PDE11A: variants seen among roughly 807,000 people sequenced by gnomAD.
PDE11A encodes the protein dual 3',5'-cyclic-AMP and -GMP phosphodiesterase 11A.
PDE11A carries 100 observed loss-of-function variants against 100.5 expected under a neutral mutation model. The ratio of observed to expected loss-of-function variants is 1.00; its 90% confidence interval spans 0.85 to 1.18. The LOEUF is 1.18. PDE11A is among the 50% of genes most tolerant of loss of function. The pLI is 0.00. For synonymous variants in PDE11A, 381 were observed against 420.8 expected, an observed-to-expected ratio of 0.91 and a Z score of 1.16; for missense variants, 1,141 against 1,152.6, an observed-to-expected ratio of 0.99 and a Z score of 0.15.
chr2:177,888,192 A>C (rs2084472405), intron 4 of PDE11A, among the ~76,000 whole-genome samples: 1 of 152,232 alleles, frequency 6.6e-6, no homozygotes, highest in South Asian at 2.1e-4. Flanking sequence ...AAGAATAAGC[A>C]AGCCAGTTTT....
intron 2 of PDE11A, among the ~76,000 whole-genome samples, chr2:177,968,658 A>G (rs1029592440): frequency 6.6e-6 from 1 of 152,184 alleles, no homozygotes; most frequent in Non-Finnish European, 1.5e-5. Flanking sequence ...AAAACTCTCA[A>G]CAAACATATG....
chr2:177,790,963 G>A (rs1296643109), intron 9 of PDE11A, among the ~76,000 whole-genome samples: 2 of 152,222 alleles, frequency 1.3e-5, no homozygotes, highest in African/African-American at 4.8e-5. Flanking sequence ...TTCAACCATT[G>A]TGGAAGTCAG....
At chr2:177,716,640 G>T (rs780414644) in intron 12 of PDE11A, among the ~76,000 whole-genome samples, 2 of 152,010 alleles carry the variant, frequency 1.3e-5, no homozygotes, top group Non-Finnish European at 2.9e-5. Context: ...GGTAAAACTT[G>T]AAAAGTCTAT....
intron 1 of PDE11A, chr2:178,108,149 A>G (rs1025985282): frequency 1.1e-4 from 17 of 152,214 alleles, no homozygotes; most frequent in Admixed American, 3.9e-4. Context: ...TACCATTGCT[A>G]TGTCTTATTT....
intron 5 of PDE11A, among the ~76,000 whole-genome samples, chr2:177,850,696 A>T (rs1446777787): frequency 1.3e-5 from 2 of 152,218 alleles, no homozygotes; most frequent in Non-Finnish European, 1.5e-5. Context: ...CAAGAAAAAA[A>T]CAAACAACCC....
At chr2:178,034,510 A>G (rs1358160750) in intron 1 of PDE11A, among the ~76,000 whole-genome samples, 1 of 152,112 alleles carries the variant, frequency 6.6e-6, no homozygotes, top group Non-Finnish European at 1.5e-5. Context: ...GAACTCGGCT[A>G]TGGACCAAGT....
chr2:177,713,197 T>C (rs540758897), intron 12 of PDE11A, among the ~76,000 whole-genome samples: 6 of 151,986 alleles, frequency 3.9e-5, no homozygotes, highest in Non-Finnish European at 5.9e-5. Flanking sequence ...TTAGTAGAGA[T>C]GGGGTTTCAC....
At chr2:177,997,816 G>C (rs2086095889) in intron 2 of PDE11A, 2 of 1,302,368 alleles carry the variant, frequency 1.5e-6, no homozygotes, top group Non-Finnish European at 2.2e-6. Flanking sequence ...TGGAGGGAGG[G>C]GCATGTATTC....
chr2:177,906,413 AG>A (rs1303202369), intron 2 of PDE11A, among the ~76,000 whole-genome samples: 1 of 152,196 alleles, frequency 6.6e-6, no homozygotes, highest in African/African-American at 2.4e-5. Context: ...GGTACACAAA[AG>A]ATGAAGGGCA....
chr2:177,957,981 A>T (rs563898003), intron 2 of PDE11A, among the ~76,000 whole-genome samples: 1 of 138,642 alleles, frequency 7.2e-6, no homozygotes, highest in East Asian at 2.1e-4. Flanking sequence ...GCTCACTGCA[A>T]CCTCCCCTCC....
intron 2 of PDE11A, among the ~76,000 whole-genome samples, chr2:178,081,808 TA>T (rs1428412174): frequency 1.3e-5 from 2 of 152,270 alleles, no homozygotes; most frequent in Non-Finnish European, 2.9e-5. Context: ...TAAAAATTAT[TA>T]AAAGTTATCA....
At chr2:178,032,713 G>A (rs763403465) in intron 1 of PDE11A, among the ~76,000 whole-genome samples, 5 of 152,184 alleles carry the variant, frequency 3.3e-5, no homozygotes, top group African/African-American at 4.8e-5. Context: ...GCAGGCAGCA[G>A]TCTTTGCTGT....
intron 12 of PDE11A, among the ~76,000 whole-genome samples, chr2:177,723,962 G>A (rs1430862153): frequency 6.6e-6 from 1 of 151,994 alleles, no homozygotes; most frequent in African/African-American, 2.4e-5. Context: ...CTTTTATCAT[G>A]TATTTATAGT....
intron 5 of PDE11A, among the ~76,000 whole-genome samples, chr2:177,858,954 G>A (rs1239918554): frequency 1.3e-5 from 2 of 152,072 alleles, no homozygotes; most frequent in Non-Finnish European, 2.9e-5. Flanking sequence ...TAGGGACATG[G>A]ATGAAGCTGG....
intron 2 of PDE11A, among the ~76,000 whole-genome samples, chr2:177,968,855 T>C (rs1450017446): frequency 6.6e-6 from 1 of 152,234 alleles, no homozygotes. Flanking sequence ...TGTAAGACAG[T>C]GTGGTGATTC....
chr2:177,926,441 A>T (rs904608693), intron 2 of PDE11A, among the ~76,000 whole-genome samples: 3 of 152,230 alleles, frequency 2.0e-5, no homozygotes, highest in African/African-American at 7.2e-5. Context: ...GCACTGGTTC[A>T]CTGATACATA....
At chr2:177,964,928 C>T (rs961558832) in intron 2 of PDE11A, among the ~76,000 whole-genome samples, 1 of 152,170 alleles carries the variant, frequency 6.6e-6, no homozygotes, top group Non-Finnish European at 1.5e-5. Context: ...CTGTTTTAAG[C>T]TCTTTGAGAA....
intron 2 of PDE11A, among the ~76,000 whole-genome samples, chr2:177,965,643 C>G (rs930135069): frequency 2.0e-5 from 3 of 152,146 alleles, no homozygotes; most frequent in Admixed American, 6.5e-5. Context: ...CTGTTCTTGT[C>G]AACTTTGTCG....
intron 2 of PDE11A, among the ~76,000 whole-genome samples, chr2:177,933,867 A>G (rs986939403): frequency 1.3e-5 from 2 of 152,188 alleles, no homozygotes; most frequent in African/African-American, 2.4e-5. Flanking sequence ...ATCAACAAAA[A>G]TAAGCAATTG....
Sources: allele counts gnomAD v4.1 joint callset (sites outside exome capture counted in the v4.1 genomes callset), GRCh38; gene constraint gnomAD v4.1.1; transcripts MANE v1.5; gene names NCBI Gene and HGNC (gene_info 2026-07-23, HGNC 2026-07-21).